Variants in ABCC9 observed in about 807,000 individuals in gnomAD.
The protein encoded by ABCC9 is ATP binding cassette subfamily C member 9, also known as ATP-binding cassette sub-family C member 9.
A neutral mutation model predicts 188.3 loss-of-function variants in ABCC9; 95 were observed. The ratio of observed to expected loss-of-function variants is 0.50; its 90% CI spans 0.43 to 0.60. The LOEUF (loss-of-function observed/expected upper bound fraction) is 0.60, where lower values mean the gene tolerates loss of function less well. Ranked by LOEUF, ABCC9 falls within the 20% of genes least tolerant of loss-of-function variation. The probability of loss-of-function intolerance (pLI) is 0.00; values close to 1 mark genes in which losing one functional copy is unlikely to be tolerated. For missense variants in ABCC9, 1,102 were observed against 1,876.3 expected, an observed-to-expected ratio of 0.59 and a Z score of 7.62; for synonymous variants, 659 against 652.7, an observed-to-expected ratio of 1.01 and a Z score of -0.15.
intron 28 of ABCC9, 39 bp downstream of exon 28, chr12:21,844,444 A>C: frequency 6.6e-7 from 1 of 1,518,030 alleles, no homozygotes; most frequent in Non-Finnish European, 9.2e-7. Flanking sequence ...TTACATTGTG[A>C]AACTAATTTT....
intron 3 of ABCC9, among the ~76,000 whole-genome samples, chr12:21,935,760 G>A (rs112056637): frequency 2.6e-5 from 4 of 151,936 alleles, no homozygotes; most frequent in Admixed American, 2.6e-4. Context: ...GATGAGCGTT[G>A]GTAGGCTCAA....
chr12:21,867,925 T>C (rs189625509), intron 18 of ABCC9, among the ~76,000 whole-genome samples: 1 of 152,148 alleles, frequency 6.6e-6, no homozygotes, highest in East Asian at 1.9e-4. Flanking sequence ...AAACTATTCA[T>C]CAGATAAGGC....
chr12:21,812,213 A>G, intron 35 of ABCC9, 56 bp from the exon 36 acceptor site: 1 of 1,269,904 alleles, frequency 7.9e-7, no homozygotes, highest in Admixed American at 1.7e-5. Context: ...GTAAAATAAT[A>G]TTTGTTTACA....
chr12:21,895,034 C>G (rs1592169288), intron 13 of ABCC9, among the ~76,000 whole-genome samples: 1 of 152,118 alleles, frequency 6.6e-6, no homozygotes, highest in Non-Finnish European at 1.5e-5. Context: ...AGCTAGAAGC[C>G]AGGGATGCTG....
At chr12:21,841,320 A>AC (rs1944375295) in intron 29 of ABCC9, among the ~76,000 whole-genome samples, 1 of 113,938 alleles carries the variant, frequency 8.8e-6, no homozygotes, top group Non-Finnish European at 2.0e-5. Flanking sequence ...TAAATCACTT[A>AC]CTCTTTGGGA....
chr12:21,828,514 A>G (rs980275246), intron 31 of ABCC9: 5 of 252,240 alleles, frequency 2.0e-5, no homozygotes, highest in African/African-American at 2.3e-5. Context: ...GCAAGACAGA[A>G]GGCAACAGAT....
intron 16 of ABCC9, among the ~76,000 whole-genome samples, chr12:21,882,430 G>T (rs1202023729): frequency 6.6e-6 from 1 of 152,090 alleles, no homozygotes; most frequent in Non-Finnish European, 1.5e-5. Context: ...CCTGAAATTT[G>T]AACTTATAAT....
intron 10 of ABCC9, 122 bp from the exon 11 acceptor site, chr12:21,908,333 C>T: frequency 1.6e-6 from 2 of 1,268,004 alleles, no homozygotes; most frequent in Non-Finnish European, 2.2e-6. Context: ...ATTTGGAAGT[C>T]AACGGTATTA....
intron 18 of ABCC9, among the ~76,000 whole-genome samples, chr12:21,867,065 C>G (rs184840428): frequency 6.6e-6 from 1 of 151,874 alleles, no homozygotes; most frequent in Non-Finnish European, 1.5e-5. Context: ...GAAGGATTTA[C>G]GTATATTTTC....
intron 5 of ABCC9, chr12:21,925,405 C>T (rs1949005434): frequency 3.2e-6 from 2 of 615,602 alleles, no homozygotes; most frequent in Non-Finnish European, 6.0e-6. Flanking sequence ...GTAATGGCAG[C>T]TGCTCCTCAG....
chr12:21,834,826 C>CAG lies in ABCC9; in HGVS notation c.3566+3250_3566+3251dup, dbSNP rs1555184612. Reference sequence around the variant, plus strand: ...ACACACACACACACACACACACACACAGTGCGCACATGAGGAGGGAGCCCA... The same window carrying CAG: ...ACACACACACACACACACACACACACAGAGTGCGCACATGAGGAGGGAGCCCA... On this transcript the variant is annotated intron_variant, in intron 30 of 39. Coordinates refer to ENST00000261200, the MANE Select transcript of ABCC9 (RefSeq NM_020297.4). Among the ~76,000 whole-genome samples, 8 of 148,102 alleles carry CAG rather than the reference C, an allele frequency of 5.4e-5. 1 individual carries two copies. Among genetic ancestry groups the CAG allele is most frequent in the African/African-American group, 2.0e-4 (8 of 39,868 alleles).
intron 6 of ABCC9, among the ~76,000 whole-genome samples, chr12:21,916,627 C>G (rs908961861): frequency 6.6e-6 from 1 of 152,118 alleles, no homozygotes; most frequent in African/African-American, 2.4e-5. Flanking sequence ...TGCTTTGAGA[C>G]CAATCATGGA....
chr12:21,842,778 C>T (rs1944461026), intron 28 of ABCC9, among the ~76,000 whole-genome samples: 3 of 152,156 alleles, frequency 2.0e-5, no homozygotes, highest in Non-Finnish European at 4.4e-5. Context: ...GACTGTAAAT[C>T]TTCCCATGGC....
intron 30 of ABCC9, among the ~76,000 whole-genome samples, chr12:21,834,573 A>C (rs1943960699): frequency 1.3e-5 from 2 of 151,998 alleles, no homozygotes; most frequent in Admixed American, 1.3e-4. Flanking sequence ...AAGGGCCTTT[A>C]ATGGCCTCTA....
intron 25 of ABCC9, among the ~76,000 whole-genome samples, chr12:21,847,427 GT>G (rs1309966229): frequency 6.6e-6 from 1 of 151,986 alleles, no homozygotes; most frequent in Non-Finnish European, 1.5e-5. Context: ...GCACATTTTG[GT>G]GCTATTTGAC....
At chr12:21,837,242 G>A (rs1288609046) in intron 30 of ABCC9, among the ~76,000 whole-genome samples, 1 of 152,102 alleles carries the variant, frequency 6.6e-6, no homozygotes, top group Admixed American at 6.5e-5. Flanking sequence ...ACATACCAGT[G>A]CAGAAAGCAT....
intron 14 of ABCC9, among the ~76,000 whole-genome samples, chr12:21,889,157 A>G (rs1219966923): frequency 1.3e-5 from 2 of 152,198 alleles, no homozygotes; most frequent in Non-Finnish European, 2.9e-5. Flanking sequence ...TTTGCATGCC[A>G]TAGAAACATG....
chr12:21,915,494 G>GTATATATATA (rs1242200528), intron 7 of ABCC9, among the ~76,000 whole-genome samples, 174 bp downstream of exon 7: 2 of 9,696 alleles, frequency 2.1e-4, no homozygotes, highest in South Asian at 8.1e-3. Flanking sequence ...GTGTGTGTGT[G>GTATATATATA]TGTGTGTATA....
intron 10 of ABCC9, among the ~76,000 whole-genome samples, chr12:21,908,725 T>TAAG (rs1202414616): frequency 2.0e-5 from 3 of 151,996 alleles, no homozygotes; most frequent in Non-Finnish European, 4.4e-5. Flanking sequence ...GCTCCTCACC[T>TAAG]TCTTATGACT....
Sources: gnomAD v4.1 joint callset for allele counts (sites outside exome capture counted in the v4.1 genomes callset) on GRCh38, gnomAD v4.1.1 for gene constraint, MANE v1.5 for transcripts, NCBI Gene and HGNC (gene_info 2026-07-23, HGNC 2026-07-21) for gene names.